The following CNOT1 variants were observed in gnomAD, a reference collection of about 807,000 sequenced individuals.
The protein encoded by CNOT1 is CCR4-NOT transcription complex subunit 1, also known as CCR4-associated factor 1.
A neutral mutation model predicts 273.8 loss-of-function variants in CNOT1; 15 were observed. That is an observed-to-expected ratio of 0.05 (90% CI 0.04 to 0.08). The LOEUF (loss-of-function observed/expected upper bound fraction) is 0.08, where lower values mean the gene tolerates loss of function less well. CNOT1 is among the 10% of genes least tolerant of loss of function. The pLI is 1.00. For synonymous variants in CNOT1, 1,022 were observed against 1,005.5 expected (o/e 1.02, Z -0.31); for missense variants, 1,644 against 2,912.2 (o/e 0.56, Z 10.02).
chr16:58,604,203 A>G (rs2042580680), intron 1 of CNOT1, among the ~76,000 whole-genome samples: 1 of 152,236 alleles, frequency 6.6e-6, no homozygotes, highest in African/African-American at 2.4e-5. Flanking sequence ...TATAATGTGT[A>G]TACAGAGTTT....
rs1169358099 is a variant in CNOT1, at chr16:58,622,040, C to T, written c.-175+7688G>A. Among the ~76,000 whole-genome samples the T allele has an allele frequency of 3.5e-5, 5 of 143,466 alleles. No homozygotes were observed. The South Asian group carries it at 9.2e-4, about 26-fold the overall frequency. 94.1% of individuals were successfully genotyped at this position (143,466 alleles called of 152,430 possible). A position where few individuals can be genotyped will look rare whatever the true frequency, so the allele number is the denominator to read the frequency against. On this transcript the variant is annotated intron_variant, in intron 1 of 48. Transcript: ENST00000317147. Reference sequence around the variant, plus strand: ...TTGTAAGAAATGTACAGGCTGGGCTCGGTGGCTCACACCTGTAATCCCAGC... The same window carrying T: ...TTGTAAGAAATGTACAGGCTGGGCTTGGTGGCTCACACCTGTAATCCCAGC...
At position 58,613,176 on chromosome 16, in the gene CNOT1, C is replaced by T. The variant is rs146159840; in HGVS notation, c.-174-13665G>A. Among the ~76,000 whole-genome samples the T allele has an allele frequency of 4.2e-3, 641 of 152,144 alleles. 15 individuals are homozygous for T. The highest frequency in any genetic ancestry group is 0.021 in the Admixed American group (319 of 15,246). On this transcript the variant is annotated intron_variant, in intron 1 of 48. Transcript: ENST00000317147. ...GATCCTAAGTAGCTGGGATTACAGGCATGCGCCAACACGCCCAGCTAATTT... is the reference window on the plus strand; with the variant it reads ...GATCCTAAGTAGCTGGGATTACAGGTATGCGCCAACACGCCCAGCTAATTT...
In CNOT1 at chr16:58,551,889, TGA is replaced by T. The variant is rs1040098656; in HGVS notation, c.2971-72_2971-71del. Reference sequence around the variant, plus strand: ...GTCTGGATTATACGTCCCTCTTTTCTGAGAGGGTAAAAAACATGTCTGAGTGC... The same window carrying T: ...GTCTGGATTATACGTCCCTCTTTTCTGAGGGTAAAAAACATGTCTGAGTGC... On this transcript the variant is annotated intron_variant, in intron 22 of 48. Transcript: ENST00000317147. The T allele has an allele frequency of 1.1e-5, 17 of 1,575,320 alleles. 1 individual carries two copies. Among genetic ancestry groups the T allele is most frequent in the Admixed American group, 3.5e-5 (2 of 57,624 alleles).
intron 29 of CNOT1, 128 bp from the exon 30 acceptor site, chr16:58,545,619 T>G: frequency 3.5e-3 from 3,393 of 970,122 alleles, no homozygotes; most frequent in Middle Eastern, 4.5e-3. Context: ...GGGAAGGATG[T>G]AGCAGGTCCT....
intron 1 of CNOT1, among the ~76,000 whole-genome samples, chr16:58,624,263 T>C (rs536233238): frequency 4.3e-4 from 66 of 152,276 alleles, no homozygotes; most frequent in Non-Finnish European, 7.5e-4. Context: ...CACTGCTGAA[T>C]AGCTTGCTTG....
intron 16 of CNOT1, among the ~76,000 whole-genome samples, chr16:58,563,398 C>T (rs1327495536): frequency 6.6e-6 from 1 of 152,102 alleles, no homozygotes; most frequent in Non-Finnish European, 1.5e-5. Context: ...ACAGTATACT[C>T]TATAATGCTC....
intron 23 of CNOT1, 56 bp downstream of exon 23, chr16:58,551,531 ACT>A: frequency 6.5e-7 from 1 of 1,529,692 alleles, no homozygotes; most frequent in African/African-American, 1.4e-5. Context: ...CATGTTCACC[ACT>A]GATTATTACA....
intron 1 of CNOT1, among the ~76,000 whole-genome samples, chr16:58,604,607 C>A (rs1327387818): frequency 2.1e-5 from 3 of 142,788 alleles, no homozygotes; most frequent in African/African-American, 7.9e-5. Flanking sequence ...CATGGAGAAA[C>A]CCCATCTCTG....
chr16:58,609,758 A>G (rs779411837), intron 1 of CNOT1, among the ~76,000 whole-genome samples: 1 of 152,100 alleles, frequency 6.6e-6, no homozygotes, highest in Non-Finnish European at 1.5e-5. Context: ...CTATGTGGCC[A>G]GAAAACATTT....
chr16:58,580,543 C>T, intron 12 of CNOT1, 90 bp downstream of exon 12: 2 of 1,486,946 alleles, frequency 1.3e-6, no homozygotes, highest in Non-Finnish European at 1.8e-6. Flanking sequence ...TCATTTAAAC[C>T]TGTTAACTAT....
intron 2 of CNOT1, 65 bp from the exon 3 acceptor site, chr16:58,588,971 C>A: frequency 4.7e-6 from 7 of 1,487,996 alleles, no homozygotes; most frequent in South Asian, 2.6e-5. Context: ...AGTAAGGTTT[C>A]AAAAAAGAAA....
chr16:58,615,220 T>C (rs13335953), intron 1 of CNOT1, among the ~76,000 whole-genome samples: 5,965 of 124,748 alleles, frequency 0.048, 1,399 homozygotes, highest in African/African-American at 0.15. Flanking sequence ...ATCACAAAGA[T>C]GATCTGGGAA....
At chr16:58,526,679 T>C (rs2039594448) in intron 44 of CNOT1, among the ~76,000 whole-genome samples, 1 of 151,652 alleles carries the variant, frequency 6.6e-6, no homozygotes, top group Non-Finnish European at 1.5e-5. Flanking sequence ...TAAAATTAGC[T>C]GGGTGTGGTG....
intron 2 of CNOT1, chr16:58,597,839 A>C: frequency 2.5e-6 from 1 of 398,310 alleles, no homozygotes; most frequent in Non-Finnish European, 4.8e-6. Context: ...GAGCCCCAGG[A>C]CCATGACCAG....
At chr16:58,621,307 CTT>C (rs963221848) in intron 1 of CNOT1, among the ~76,000 whole-genome samples, 5 of 151,870 alleles carry the variant, frequency 3.3e-5, no homozygotes, top group Admixed American at 6.6e-5. Flanking sequence ...GAGTTTTGCT[CTT>C]GTTGCCTAGG....
At chr16:58,609,022 T>C (rs1235967511) in intron 1 of CNOT1, among the ~76,000 whole-genome samples, 1 of 152,076 alleles carries the variant, frequency 6.6e-6, no homozygotes, top group South Asian at 2.1e-4. Context: ...GACTACAAAG[T>C]GGGTACAGTG....
At chr16:58,536,835 G>A (rs1229253805) in intron 39 of CNOT1, 154 bp downstream of exon 39, 1 of 1,245,296 alleles carries the variant, frequency 8.0e-7, no homozygotes. Flanking sequence ...GAGAAAACAG[G>A]CTGTAATTTA....
chr16:58,602,553 CAAAAAAAAA>C (rs60230860), intron 1 of CNOT1, among the ~76,000 whole-genome samples: 7 of 57,974 alleles, frequency 1.2e-4, no homozygotes, highest in Non-Finnish European at 6.0e-5. Flanking sequence ...ACTCTGTCTC[CAAAAAAAAA>C]AAAAAAAAAA....
Position 58,547,278 on chromosome 16 carries a change from A to G in CNOT1, c.3658T>C (p.Leu1220=). The change falls in exon 27 of 49, where the codon TTG becomes CTG. Residue 1220 remains leucine (L), a synonymous_variant. Transcript: ENST00000317147. The surrounding 1 kb of genome is among the most constrained non-coding windows in gnomAD (Gnocchi z 4.0). ...CCTTTAACATAAGCCTCTAGCAGCA[A>G]TGATTTCACATCCAAGTCCTAGAAT... ...ILHTDLDVKS[L]LLEAYVKGQQ... is the part of the protein sequence containing the mutation. 1 of 1,613,904 alleles carries G rather than the reference A, an allele frequency of 6.2e-7. No homozygotes were observed. The highest frequency in any genetic ancestry group is 1.3e-5 in the African/African-American group (1 of 75,052).
Sources: allele counts gnomAD v4.1 joint callset (sites outside exome capture counted in the v4.1 genomes callset), GRCh38; gene constraint gnomAD v4.1.1; non-coding constraint Gnocchi (gnomAD v3.1); transcripts MANE v1.5; gene names NCBI Gene and HGNC (gene_info 2026-07-23, HGNC 2026-07-21).